CENPH: variants seen among roughly 807,000 people sequenced by gnomAD.
CENPH encodes the protein centromere protein H.
CENPH carries 40 observed loss-of-function variants against 42.9 expected under a neutral mutation model. The observed-to-expected ratio is 0.93, with a 90% CI of 0.72 to 1.21. CENPH has a LOEUF of 1.21. Ranked by LOEUF, CENPH falls within the 50% of genes most tolerant of loss-of-function variation. The pLI, the probability that CENPH is intolerant of heterozygous loss-of-function variation, is 0.00. For synonymous variants in CENPH, 88 were observed against 96.5 expected (o/e 0.91, Z 0.52); for missense variants, 302 against 292.9 (o/e 1.03, Z -0.23).
At chr5:69,200,815 T>G (rs1748047483) in intron 5 of CENPH, among the ~76,000 whole-genome samples, 1 of 71,666 alleles carries the variant, frequency 1.4e-5, no homozygotes, top group Non-Finnish European at 2.2e-5. Context: ...CTTGGCTCAC[T>G]GCAACCTCTG....
intron 7 of CENPH, among the ~76,000 whole-genome samples, chr5:69,203,970 A>C (rs1748099464): frequency 7.1e-6 from 1 of 140,700 alleles, no homozygotes; most frequent in Non-Finnish European, 1.5e-5. Context: ...TTATATGGAC[A>C]TGGAAATTTC....
chr5:69,203,928 C>A, intron 7 of CENPH, among the ~76,000 whole-genome samples: 1 of 147,276 alleles, frequency 6.8e-6, no homozygotes, highest in African/African-American at 2.5e-5. Context: ...TGGTATTTAT[C>A]AGTCTAGACT....
At chr5:69,190,369 T>C (rs1304350281) in intron 1 of CENPH, among the ~76,000 whole-genome samples, 1 of 152,188 alleles carries the variant, frequency 6.6e-6, no homozygotes, top group Non-Finnish European at 1.5e-5. Flanking sequence ...GAAAAGATCA[T>C]AAAAATATTT....
intron 5 of CENPH, among the ~76,000 whole-genome samples, chr5:69,197,833 A>G (rs11948408): frequency 6.9e-6 from 1 of 145,750 alleles, no homozygotes. Flanking sequence ...AATAAAAATT[A>G]TTATGAGCAA....
chr5:69,200,719 CTTTTTTTTTTTTTTT>C (rs70992906), intron 5 of CENPH, among the ~76,000 whole-genome samples: 133 of 46,918 alleles, frequency 2.8e-3, no homozygotes, highest in African/African-American at 6.7e-3. Flanking sequence ...ATCAGCGTAT[CTTTTTTTTTTTTTTT>C]TTTTTTTTTT....
chr5:69,203,017 A>G (rs1260881780), intron 7 of CENPH, 47 bp downstream of exon 7: 1 of 1,273,860 alleles, frequency 7.9e-7, no homozygotes, highest in East Asian at 2.3e-5. Context: ...TGCTTACTTT[A>G]TAGATTGATA....
chr5:69,197,167 T>G, intron 5 of CENPH, 58 bp downstream of exon 5: 1 of 1,097,294 alleles, frequency 9.1e-7, no homozygotes, highest in Non-Finnish European at 1.3e-6. Flanking sequence ...GTGACTTTAG[T>G]TTTGTGAATT....
chr5:69,206,657 C>T (rs866730763), intron 7 of CENPH, among the ~76,000 whole-genome samples: 14 of 151,896 alleles, frequency 9.2e-5, no homozygotes, highest in African/African-American at 3.1e-4. Flanking sequence ...TGCCACCATG[C>T]CCCACTGATT....
chr5:69,202,867 G>A, intron 6 of CENPH, 52 bp from the exon 7 acceptor site: 1 of 1,111,086 alleles, frequency 9.0e-7, no homozygotes, highest in East Asian at 2.4e-5. Context: ...AGTATTACAG[G>A]TTTGTCCTTA....
At chr5:69,193,848 A>G (rs1747920335) in intron 2 of CENPH, among the ~76,000 whole-genome samples, 1 of 151,708 alleles carries the variant, frequency 6.6e-6, no homozygotes, top group African/African-American at 2.4e-5. Flanking sequence ...GACGGGTTTC[A>G]CCATGTTGGC....
chr5:69,208,096 TGACTA>T, intron 7 of CENPH, 95 bp from the exon 8 acceptor site: 1 of 583,156 alleles, frequency 1.7e-6, no homozygotes, highest in African/African-American at 1.9e-5. Flanking sequence ...ATTTTTCTCT[TGACTA>T]AAATAACCAA....
At chr5:69,196,336 G>A (rs145528470) in intron 4 of CENPH, among the ~76,000 whole-genome samples, 1 of 152,248 alleles carries the variant, frequency 6.6e-6, no homozygotes, top group African/African-American at 2.4e-5. Context: ...TATGGTAAGT[G>A]AAAAATGCAT....
At chr5:69,199,191 T>C (rs1192728344) in intron 5 of CENPH, among the ~76,000 whole-genome samples, 2 of 152,150 alleles carry the variant, frequency 1.3e-5, no homozygotes, top group Non-Finnish European at 2.9e-5. Context: ...TTTGTTTTGT[T>C]TTTTTGAGAC....
intron 5 of CENPH, among the ~76,000 whole-genome samples, chr5:69,201,516 C>G (rs1748058657): frequency 6.6e-6 from 1 of 152,156 alleles, no homozygotes; most frequent in Non-Finnish European, 1.5e-5. Flanking sequence ...TGAAACTATT[C>G]TGTATGCTGC....
In CENPH at chr5:69,203,993, T is replaced by TATAG. The variant is rs1554058605; in HGVS notation, c.487+1024_487+1025insTAGA. On this transcript the variant is annotated intron_variant, in intron 7 of 8. Transcript: ENST00000283006. ...ACATGGAAATTTCTATATATATATA[T>TATAG]AGAGAGAGAATTTCTATATATATAT... Among the ~76,000 whole-genome samples, 9 of 121,578 alleles carry TATAG rather than the reference T, an allele frequency of 7.4e-5. No homozygotes were observed. The East Asian group carries it at 1.4e-3, about 20-fold the overall frequency. The allele number at this position is 121,578 out of a possible 152,430, so 79.8% of individuals were successfully genotyped here. A position where few individuals can be genotyped will look rare whatever the true frequency, so the allele number is the denominator to read the frequency against.
At chr5:69,192,862 C>T (rs563222954) in intron 2 of CENPH, among the ~76,000 whole-genome samples, 28 of 152,140 alleles carry the variant, frequency 1.8e-4, no homozygotes, top group Non-Finnish European at 3.2e-4. Flanking sequence ...TTTGGGAGGC[C>T]GAGGTGGGCG....
chr5:69,191,926 C>G (rs1747878473), intron 2 of CENPH, 76 bp downstream of exon 2: 7 of 862,422 alleles, frequency 8.1e-6, no homozygotes, highest in Non-Finnish European at 1.2e-5. Context: ...TTGCTATCAC[C>G]CAGGCTGTAA....
rs776823341 is a variant in CENPH, at chr5:69,189,786, C to G, written c.134+18C>G. 5 of 1,435,932 alleles carry G rather than the reference C, an allele frequency of 3.5e-6. No individual in the cohort carries two copies. The highest frequency in any genetic ancestry group is 4.6e-6 in the Non-Finnish European group (5 of 1,096,868). The allele number at this position is 1,435,932 out of a possible 1,614,324, so 88.9% of individuals were successfully genotyped here. A position where few individuals can be genotyped will look rare whatever the true frequency, so the allele number is the denominator to read the frequency against. On this transcript the variant is annotated intron_variant, in intron 1 of 8. Coordinates refer to ENST00000283006, the MANE Select transcript of CENPH (RefSeq NM_022909.4). Reference sequence around the variant, plus strand: ...CTCCTCAGGTTGTTCCCTTTGGCCTCCTCAGCCGGGGCCAAGTGGGCGTTG... The same window carrying G: ...CTCCTCAGGTTGTTCCCTTTGGCCTGCTCAGCCGGGGCCAAGTGGGCGTTG...
At chr5:69,196,338 A>C (rs559858229) in intron 4 of CENPH, among the ~76,000 whole-genome samples, 4 of 152,328 alleles carry the variant, frequency 2.6e-5, no homozygotes, top group African/African-American at 2.4e-5. Context: ...TGGTAAGTGA[A>C]AAATGCATTT....
Sources: allele counts gnomAD v4.1 joint callset (sites outside exome capture counted in the v4.1 genomes callset), GRCh38; gene constraint gnomAD v4.1.1; transcripts MANE v1.5; gene names NCBI Gene and HGNC (gene_info 2026-07-23, HGNC 2026-07-21).